Variants in ATRNL1 observed in about 807,000 individuals in gnomAD.
ATRNL1 encodes attractin like 1.
ATRNL1 carries 95 observed loss-of-function variants against 182.7 expected under a neutral mutation model. The ratio of observed to expected loss-of-function variants is 0.52; its 90% confidence interval spans 0.44 to 0.62. The LOEUF (loss-of-function observed/expected upper bound fraction) is 0.62. Ranked by LOEUF, ATRNL1 falls within the 20% of genes least tolerant of loss-of-function variation. ATRNL1 has a pLI of 0.00. For synonymous variants in ATRNL1, 576 were observed against 568.3 expected (o/e 1.01, Z -0.19); for missense variants, 1,471 against 1,679.5 (o/e 0.88, Z 2.17).
intron 18 of ATRNL1, among the ~76,000 whole-genome samples, chr10:115,326,171 A>G (rs1054682070): frequency 2.0e-5 from 3 of 152,322 alleles, no homozygotes; most frequent in Middle Eastern, 3.4e-3. Context: ...ACATGATTGT[A>G]TATCGAGAAA....
intron 5 of ATRNL1, among the ~76,000 whole-genome samples, chr10:115,143,588 G>T (rs1319697746): frequency 2.0e-5 from 3 of 152,136 alleles, no homozygotes; most frequent in Non-Finnish European, 4.4e-5. Context: ...CAATACCAGG[G>T]TGCTATCATG....
intron 27 of ATRNL1, among the ~76,000 whole-genome samples, chr10:115,836,477 G>A (rs534204225): frequency 2.6e-5 from 4 of 152,300 alleles, no homozygotes; most frequent in African/African-American, 9.6e-5. Flanking sequence ...TGAAGGTGTT[G>A]GCAGAGTTGA....
chr10:115,094,185 C>T (rs574440723), intron 1 of ATRNL1, 142 bp downstream of exon 1: 3 of 929,262 alleles, frequency 3.2e-6, no homozygotes, highest in South Asian at 4.2e-5. Context: ...GCGGCGGGAG[C>T]GGGCGAGAGT....
At chr10:115,550,144 A>C (rs1354759802) in intron 26 of ATRNL1, among the ~76,000 whole-genome samples, 2 of 151,878 alleles carry the variant, frequency 1.3e-5, no homozygotes, top group Non-Finnish European at 3.0e-5. Context: ...ATATTCGTTA[A>C]TCGAAAGGAA....
chr10:115,222,000 C>T (rs750061789), intron 9 of ATRNL1, among the ~76,000 whole-genome samples: 81 of 151,624 alleles, frequency 5.3e-4, no homozygotes, highest in African/African-American at 1.8e-3. Flanking sequence ...AAACAACATC[C>T]GTTAGAAACA....
chr10:115,139,566 C>T (rs553902319), intron 5 of ATRNL1, among the ~76,000 whole-genome samples: 4 of 152,266 alleles, frequency 2.6e-5, no homozygotes, highest in African/African-American at 7.2e-5. Context: ...CTTGCTATCA[C>T]GAGAAGAGCA....
At chr10:115,157,613 A>G (rs1483157471) in intron 5 of ATRNL1, among the ~76,000 whole-genome samples, 1 of 152,096 alleles carries the variant, frequency 6.6e-6, no homozygotes, top group Non-Finnish European at 1.5e-5. Flanking sequence ...TTGCTTTGAT[A>G]GTCACATTGC....
At chr10:115,592,041 GC>G (rs1855940602) in intron 26 of ATRNL1, among the ~76,000 whole-genome samples, 1 of 152,142 alleles carries the variant, frequency 6.6e-6, no homozygotes, top group Non-Finnish European at 1.5e-5. Context: ...GTAGCTGGTG[GC>G]CATTTTCCTA....
chr10:115,575,104 T>G (rs1854626258), intron 26 of ATRNL1, among the ~76,000 whole-genome samples: 1 of 152,160 alleles, frequency 6.6e-6, no homozygotes, highest in South Asian at 2.1e-4. Context: ...AAACACTGTT[T>G]ATCCCAAGAA....
intron 15 of ATRNL1, among the ~76,000 whole-genome samples, chr10:115,287,040 G>A (rs566834009): frequency 1.5e-4 from 23 of 151,944 alleles, no homozygotes; most frequent in African/African-American, 5.5e-4. Flanking sequence ...AGGGACCTCC[G>A]TATCCTCCAT....
chr10:115,588,698 AC>A (rs1396434704), intron 26 of ATRNL1, among the ~76,000 whole-genome samples: 1 of 152,018 alleles, frequency 6.6e-6, no homozygotes, highest in African/African-American at 2.4e-5. Context: ...AGATTTTCCT[AC>A]CCGTGTTGGT....
intron 8 of ATRNL1, among the ~76,000 whole-genome samples, chr10:115,185,743 T>G (rs1019033011): frequency 6.6e-5 from 10 of 152,136 alleles, no homozygotes; most frequent in African/African-American, 2.4e-4. Context: ...CCCCTACAGA[T>G]TGCTGATAAG....
At chr10:115,318,182 C>T (rs781924306) in intron 18 of ATRNL1, among the ~76,000 whole-genome samples, 3 of 151,928 alleles carry the variant, frequency 2.0e-5, no homozygotes, top group Non-Finnish European at 2.9e-5. Flanking sequence ...TCTGTTTATG[C>T]GAGGAGTTAC....
intron 5 of ATRNL1, among the ~76,000 whole-genome samples, chr10:115,157,835 C>G (rs1157850686): frequency 1.3e-5 from 2 of 152,074 alleles, no homozygotes; most frequent in African/African-American, 4.8e-5. Context: ...CCACTGGAAA[C>G]TTGTTCTGCA....
At chr10:115,572,604 G>C (rs1854465556) in intron 26 of ATRNL1, among the ~76,000 whole-genome samples, 1 of 152,142 alleles carries the variant, frequency 6.6e-6, no homozygotes, top group Admixed American at 6.6e-5. Flanking sequence ...GCCTAAAAGA[G>C]ATTCAAGAGG....
At chr10:115,758,997 T>C (rs968482222) in intron 27 of ATRNL1, among the ~76,000 whole-genome samples, 4 of 152,238 alleles carry the variant, frequency 2.6e-5, no homozygotes, top group South Asian at 4.1e-4. Flanking sequence ...ACAAAATATT[T>C]GTATTACAAT....
intron 24 of ATRNL1, among the ~76,000 whole-genome samples, chr10:115,478,226 G>A (rs1848617189): frequency 6.6e-6 from 1 of 151,624 alleles, no homozygotes; most frequent in African/African-American, 2.4e-5. Context: ...CTGTCTGTTG[G>A]TCAGGAATCT....
At chr10:115,248,160 A>G (rs1463615492) in intron 10 of ATRNL1, among the ~76,000 whole-genome samples, 1 of 152,200 alleles carries the variant, frequency 6.6e-6, no homozygotes, top group Non-Finnish European at 1.5e-5. Context: ...TCAAATATCT[A>G]GAATTAGGAT....
At position 115,917,479 on chromosome 10, in the gene ATRNL1, A is replaced by AAG. The variant is rs1323327714; in HGVS notation, c.4019-27178_4019-27177insGA. On this transcript the variant is annotated intron_variant, in intron 28 of 28. Transcript: ENST00000355044. ...AGCAAGACTCTGTCTCAAAAAAAAA[A>AAG]AAAAAAGAAAAAAAAAACGGGGCCA... Among the ~76,000 whole-genome samples the AAG allele has an allele frequency of 1.7e-3, 14 of 8,038 alleles. 1 individual carries two copies. The Admixed American group carries it at 0.033, about 19-fold the overall frequency. The allele number at this position is 8,038 out of a possible 152,430, so 5.3% of individuals were successfully genotyped here.
Sources: allele counts gnomAD v4.1 joint callset (sites outside exome capture counted in the v4.1 genomes callset), GRCh38; gene constraint gnomAD v4.1.1; transcripts MANE v1.5; gene names NCBI Gene and HGNC (gene_info 2026-07-23, HGNC 2026-07-21).